The following PI4K2A variants were observed in gnomAD, a reference collection of about 807,000 sequenced individuals.
The protein encoded by PI4K2A is phosphatidylinositol 4-kinase type 2-alpha.
Under a neutral mutation model 55.0 loss-of-function variants are expected in PI4K2A, and 20 were observed. The ratio of observed to expected loss-of-function variants is 0.36; its 90% CI spans 0.26 to 0.53. The LOEUF (loss-of-function observed/expected upper bound fraction) is 0.53. Ranked by LOEUF, PI4K2A falls within the 20% of genes least tolerant of loss-of-function variation. PI4K2A has a pLI of 0.91. For missense variants in PI4K2A, 463 were observed against 637.1 expected (o/e 0.73, Z 2.94); for synonymous variants, 235 against 258.5 (o/e 0.91, Z 0.87).
At chr10:97,673,910 C>G (rs2041648327) in exon 9 of PI4K2A, 1 of 621,020 alleles carries the variant, frequency 1.6e-6, no homozygotes, top group South Asian at 2.0e-5. Flanking sequence ...GAAGCACAAT[C>G]AGGAACAGTG....
chr10:97,641,345 T>G (rs927560123), intron 1 of PI4K2A, among the ~76,000 whole-genome samples, 168 bp downstream of exon 1: 3 of 151,818 alleles, frequency 2.0e-5, no homozygotes, highest in Non-Finnish European at 2.9e-5. Flanking sequence ...CTCTGCGGAA[T>G]GGAGAAATAA....
chr10:97,662,794 G>T, intron 4 of PI4K2A, 113 bp from the exon 5 acceptor site: 1 of 749,708 alleles, frequency 1.3e-6, no homozygotes, highest in East Asian at 2.5e-5. Flanking sequence ...TCCAGCATTT[G>T]TAGTCATTCT....
intron 2 of PI4K2A, among the ~76,000 whole-genome samples, chr10:97,652,384 C>T (rs1244215173): frequency 6.6e-6 from 1 of 152,092 alleles, no homozygotes; most frequent in Non-Finnish European, 1.5e-5. Context: ...CAGCCTTGAC[C>T]TCCCAGGCTC....
rs916522078 is a variant in PI4K2A at position 97,659,673 on chromosome 10, G to A, written c.922+2699G>A. Among the ~76,000 whole-genome samples, 4 of 152,176 alleles carry A rather than the reference G, an allele frequency of 2.6e-5. No individual in the cohort carries two copies. The East Asian group carries it at 7.7e-4, about 29-fold the overall frequency. ...CTTGGCACCCTCAAGCTATTTGCAA[G>A]CTGCTCCTGGAACTTGTGCACATCT... On this transcript the variant is annotated intron_variant, in intron 4 of 8. Coordinates refer to ENST00000370631, the Ensembl canonical transcript of PI4K2A.
At chr10:97,645,252 T>A (rs1315410442) in intron 1 of PI4K2A, among the ~76,000 whole-genome samples, 2 of 152,124 alleles carry the variant, frequency 1.3e-5, no homozygotes, top group Non-Finnish European at 2.9e-5. Context: ...ATCAGATTTT[T>A]AAAAACATTC....
chr10:97,640,782 C>T lies in PI4K2A; in HGVS notation c.40C>T (p.Gln14Ter). ...CCCACTAGTGTCCCCCGAGCGGGCC[C>T]AACCCCCGGACTACACCTTCCCGTC... is the stretch of plus-strand genomic sequence containing the variant. The change falls in exon 1 of 9, where the codon CAA becomes TAA. Residue 14 changes from glutamine (Q) to a stop codon, truncating the protein, a stop_gained. Transcript: ENST00000370631. LOFTEE classifies it high-confidence loss of function. The T allele has an allele frequency of 1.3e-6, 2 of 1,508,720 alleles. No individual in the cohort carries two copies. Among genetic ancestry groups the T allele is most frequent in the Non-Finnish European group, 8.9e-7 (1 of 1,128,180 alleles). The allele number at this position is 1,508,720 out of a possible 1,614,324, so 93.5% of individuals were successfully genotyped here.
In PI4K2A at chr10:97,651,224, T is replaced by C. The variant is rs2041528719; in HGVS notation, c.636+83T>C. ...AGCCCTGCTACATGTTAGTGGGACC[T>C]TGGGTCCAGTGGGGTCATTTATACC... On this transcript the variant is annotated intron_variant, in intron 2 of 8. Transcript: ENST00000370631. The C allele has an allele frequency of 3.9e-6, 4 of 1,027,620 alleles. No homozygotes were observed. In the Admixed American group the frequency reaches 7.6e-5, roughly 20 times the overall value. 63.7% of individuals were successfully genotyped at this position (1,027,620 alleles called of 1,614,324 possible). A position where few individuals can be genotyped will look rare whatever the true frequency, so the allele number is the denominator to read the frequency against.
At chr10:97,665,200 A>G (rs1426237366) in intron 6 of PI4K2A, among the ~76,000 whole-genome samples, 2 of 152,200 alleles carry the variant, frequency 1.3e-5, no homozygotes, top group African/African-American at 4.8e-5. Context: ...CATTACAAGC[A>G]TAAAGGTGAT....
intron 2 of PI4K2A, among the ~76,000 whole-genome samples, chr10:97,654,439 T>C (rs1054051858): frequency 1.3e-5 from 2 of 152,134 alleles, no homozygotes; most frequent in Non-Finnish European, 2.9e-5. Flanking sequence ...GAGCGATAGA[T>C]GAGAGGCAGT....
intron 8 of PI4K2A, 90 bp downstream of exon 8, chr10:97,667,210 ACC>A (rs151275374): frequency 0.023 from 17,504 of 755,936 alleles, 620 homozygotes; most frequent in East Asian, 0.15. Flanking sequence ...TGTGTTTTAT[ACC>A]CCCCCCTTTT....
exon 1 of PI4K2A, chr10:97,640,983 G>T: frequency 6.5e-7 from 1 of 1,532,892 alleles, no homozygotes. Context: ...GGCGGCGCAG[G>T]CCCAGGCTCT....
chr10:97,662,951 G>T, exon 5 of PI4K2A: 4 of 1,601,296 alleles, frequency 2.5e-6, no homozygotes, highest in Non-Finnish European at 3.4e-6. Flanking sequence ...CTGTCCAATG[G>T]ATAGTTCTAG....
chr10:97,664,631 G>A (rs2041601368), intron 5 of PI4K2A, among the ~76,000 whole-genome samples: 1 of 152,190 alleles, frequency 6.6e-6, no homozygotes, highest in Non-Finnish European at 1.5e-5. Context: ...ACCAAGGACT[G>A]TAGCAACTCT....
chr10:97,651,077 T>G, exon 2 of PI4K2A: 1 of 1,614,076 alleles, frequency 6.2e-7, no homozygotes, highest in South Asian at 1.1e-5. Context: ...CAGGGCTATC[T>G]CTCAGAAGCA....
chr10:97,650,938 T>C lies in PI4K2A; in HGVS notation c.436-3T>C. 6.2e-7 allele frequency: 1 copy of C among 1,609,614 alleles called. No homozygotes were observed. Among genetic ancestry groups the C allele is most frequent in the Non-Finnish European group, 8.5e-7 (1 of 1,175,900 alleles). On this transcript the variant is annotated splice_region_variant and splice_polypyrimidine_tract_variant and intron_variant, in intron 1 of 8. Transcript: ENST00000370631. ...ACATCCTCTTTTTCTTTGGTCTCTGTAGAGGATCATTGCTGTCTTCAAACC... is the reference window on the plus strand; with the variant it reads ...ACATCCTCTTTTTCTTTGGTCTCTGCAGAGGATCATTGCTGTCTTCAAACC...
At chr10:97,645,499 T>C (rs2041500803) in intron 1 of PI4K2A, among the ~76,000 whole-genome samples, 1 of 150,416 alleles carries the variant, frequency 6.6e-6, no homozygotes, top group Non-Finnish European at 1.5e-5. Flanking sequence ...TCCCAGCTAC[T>C]CGGGAGGCTG....
chr10:97,667,564 A>T (rs1297034708), intron 8 of PI4K2A, among the ~76,000 whole-genome samples: 1 of 152,170 alleles, frequency 6.6e-6, no homozygotes, highest in Non-Finnish European at 1.5e-5. Context: ...CTGTACCTTA[A>T]CACCTAGGAG....
intron 2 of PI4K2A, among the ~76,000 whole-genome samples, chr10:97,655,581 TA>T (rs754416983): frequency 5.9e-5 from 9 of 152,080 alleles, no homozygotes; most frequent in Middle Eastern, 3.4e-3. Flanking sequence ...TTTTTTATCA[TA>T]TTTTTTTTGG....
At chr10:97,669,290 G>A (rs928496852) in intron 8 of PI4K2A, among the ~76,000 whole-genome samples, 5 of 152,192 alleles carry the variant, frequency 3.3e-5, no homozygotes, top group African/African-American at 1.2e-4. Flanking sequence ...AGCATTAAAA[G>A]CCATGTGATA....
Sources: allele counts gnomAD v4.1 joint callset (sites outside exome capture counted in the v4.1 genomes callset), GRCh38; gene constraint gnomAD v4.1.1; transcripts MANE v1.5; gene names NCBI Gene and HGNC (gene_info 2026-07-23, HGNC 2026-07-21).